Variants in CELF2 observed in about 807,000 individuals in gnomAD.
The protein encoded by CELF2 is CUGBP Elav-like family member 2.
CELF2 carries 8 observed loss-of-function variants against 62.6 expected under a neutral mutation model. The ratio of observed to expected loss-of-function variants is 0.13; its 90% CI spans 0.07 to 0.23. The LOEUF (loss-of-function observed/expected upper bound fraction) is 0.23, where lower values mean the gene tolerates loss of function less well. Ranked by LOEUF, CELF2 falls within the 10% of genes least tolerant of loss-of-function variation. The pLI is 1.00. For missense variants in CELF2, 333 were observed against 671.0 expected, an observed-to-expected ratio of 0.50 and a Z score of 5.56; for synonymous variants, 258 against 250.0, an observed-to-expected ratio of 1.03 and a Z score of -0.30.
the CELF2 span, among the ~76,000 whole-genome samples, chr10:10,581,106 G>A: frequency 6.6e-6 from 1 of 152,166 alleles, no homozygotes; most frequent in African/African-American, 2.4e-5. Context: ...TCCTGAAAAG[G>A]ATAGGATGTC....
At chr10:10,510,424 G>A in the CELF2 span, among the ~76,000 whole-genome samples, 4 of 152,192 alleles carry the variant, frequency 2.6e-5, no homozygotes, top group Admixed American at 2.0e-4. Context: ...TGAACAGCGG[G>A]GGAATGAGAG....
At chr10:11,271,717 CTG>C (rs3064843) in intron 7 of CELF2, among the ~76,000 whole-genome samples, 92,151 of 150,740 alleles carry the variant, frequency 0.61, 29,265 homozygotes, top group Non-Finnish European at 0.7. Flanking sequence ...GAGGGTGTCT[CTG>C]TGTGTGTGTG....
intron 1 of CELF2, among the ~76,000 whole-genome samples, chr10:10,870,180 T>G (rs2060647550): frequency 6.6e-6 from 1 of 152,136 alleles, no homozygotes; most frequent in South Asian, 2.1e-4. Context: ...TTTAAAATTT[T>G]TATTAAAGAT....
At chr10:11,202,331 G>A (rs1381174144) in intron 2 of CELF2, among the ~76,000 whole-genome samples, 5 of 152,166 alleles carry the variant, frequency 3.3e-5, no homozygotes, top group Admixed American at 6.5e-5. Flanking sequence ...TGGGTGAACA[G>A]CAGTTGAATT....
At chr10:10,610,401 T>C in the CELF2 span, among the ~76,000 whole-genome samples, 2 of 152,256 alleles carry the variant, frequency 1.3e-5, no homozygotes, top group Non-Finnish European at 2.9e-5. Flanking sequence ...TTCTGAATTT[T>C]AGAACATGTG....
the CELF2 span, among the ~76,000 whole-genome samples, chr10:10,691,574 A>G: frequency 6.6e-6 from 1 of 152,186 alleles, no homozygotes; most frequent in Non-Finnish European, 1.5e-5. Context: ...TCCCTGAGGA[A>G]TCACCACACT....
At chr10:10,769,095 A>T in the CELF2 span, among the ~76,000 whole-genome samples, 2 of 152,214 alleles carry the variant, frequency 1.3e-5, no homozygotes, top group East Asian at 3.9e-4. Context: ...TCCCCAAGAT[A>T]TCCTTCAGCT....
the CELF2 span, among the ~76,000 whole-genome samples, chr10:10,654,516 C>G: frequency 7.1e-4 from 76 of 106,498 alleles, 1 homozygote; most frequent in African/African-American, 2.6e-3. Flanking sequence ...AAAGCTTATC[C>G]ACCATGATCA....
chr10:11,151,885 A>G (rs1048444890), intron 1 of CELF2, among the ~76,000 whole-genome samples: 1 of 152,210 alleles, frequency 6.6e-6, no homozygotes, highest in Non-Finnish European at 1.5e-5. Flanking sequence ...GTCATGCTCC[A>G]TCTTGCAACT....
At chr10:10,887,598 T>G (rs2061844636) in intron 1 of CELF2, among the ~76,000 whole-genome samples, 2 of 152,174 alleles carry the variant, frequency 1.3e-5, no homozygotes, top group Non-Finnish European at 1.5e-5. Flanking sequence ...TTGGTCTATT[T>G]TTTTGTAACC....
At chr10:11,166,867 TC>T (rs1442714868) in intron 2 of CELF2, among the ~76,000 whole-genome samples, 1 of 152,268 alleles carries the variant, frequency 6.6e-6, no homozygotes, top group Non-Finnish European at 1.5e-5. Context: ...TTTGGGCTGT[TC>T]CTCTTGTTCC....
chr10:10,909,728 G>A (rs532922833), intron 1 of CELF2, among the ~76,000 whole-genome samples: 1 of 152,296 alleles, frequency 6.6e-6, no homozygotes, highest in South Asian at 2.1e-4. Flanking sequence ...CTCCCTTCCT[G>A]CCCTCCCCAA....
chr10:11,105,374 A>T (rs1484450247), intron 1 of CELF2: 1 of 152,158 alleles, frequency 6.6e-6, no homozygotes, highest in Non-Finnish European at 1.5e-5. Flanking sequence ...ACCTATCCCA[A>T]AGTGGTGTTA....
intron 3 of CELF2, among the ~76,000 whole-genome samples, chr10:11,219,531 G>C (rs759003472): frequency 1.3e-5 from 2 of 152,162 alleles, no homozygotes. Flanking sequence ...CTTGAGGCAG[G>C]TTGAAGGAAT....
chr10:10,508,960 C>T, the CELF2 span, among the ~76,000 whole-genome samples: 1 of 152,240 alleles, frequency 6.6e-6, no homozygotes, highest in East Asian at 1.9e-4. Flanking sequence ...AGGTGTGAGC[C>T]ACTGCGCCCG....
intron 1 of CELF2, among the ~76,000 whole-genome samples, chr10:11,123,642 A>G (rs757063791): frequency 5.9e-5 from 9 of 152,180 alleles, no homozygotes; most frequent in Non-Finnish European, 8.8e-5. Flanking sequence ...CCATGTTGGG[A>G]CAATTCCTTT....
the CELF2 span, among the ~76,000 whole-genome samples, chr10:10,766,487 G>A: frequency 3.3e-5 from 5 of 152,194 alleles, no homozygotes; most frequent in South Asian, 4.1e-4. Context: ...TGCCTCCATC[G>A]GGAGGGAAGG....
chr10:10,878,461 C>A (rs1482149055), intron 1 of CELF2, among the ~76,000 whole-genome samples: 1 of 152,172 alleles, frequency 6.6e-6, no homozygotes, highest in African/African-American at 2.4e-5. Flanking sequence ...CGCTTCTGTG[C>A]CACGACGCAA....
chr10:11,235,845 A>C (rs2071040918), intron 3 of CELF2, among the ~76,000 whole-genome samples: 1 of 152,188 alleles, frequency 6.6e-6, no homozygotes, highest in Non-Finnish European at 1.5e-5. Flanking sequence ...GTTTAAAAGG[A>C]AAAAAACAGA....
Sources: gnomAD v4.1 joint callset for allele counts (sites outside exome capture counted in the v4.1 genomes callset) on GRCh38, gnomAD v4.1.1 for gene constraint, MANE v1.5 for transcripts, NCBI Gene and HGNC (gene_info 2026-07-23, HGNC 2026-07-21) for gene names.